Variants in HS6ST3 observed in about 807,000 individuals in gnomAD.
The protein encoded by HS6ST3 is heparan sulfate 6-O-sulfotransferase 3, also known as heparan-sulfate 6-O-sulfotransferase 3.
HS6ST3 carries 12 observed loss-of-function variants against 36.7 expected under a neutral mutation model. The observed-to-expected ratio is 0.33, with a 90% confidence interval of 0.21 to 0.53. The LOEUF (loss-of-function observed/expected upper bound fraction) is 0.53, where lower values mean the gene tolerates loss of function less well. Among genes scored for constraint, HS6ST3 ranks in the 20% least tolerant of loss-of-function variants. The probability of loss-of-function intolerance (pLI) is 0.95; values close to 1 mark genes in which losing one functional copy is unlikely to be tolerated. For missense variants in HS6ST3, 584 were observed against 640.9 expected, an observed-to-expected ratio of 0.91 and a Z score of 0.96; for synonymous variants, 240 against 257.5, an observed-to-expected ratio of 0.93 and a Z score of 0.65.
Position 96,090,360 on chromosome 13 carries a change from GCGGC to G in HS6ST3, c.-495_-492del, listed in dbSNP as rs1339259432. The stretch of plus-strand genomic sequence containing the variant: ...GGCGCGCGTGCCGGGCGCGGTGCCC[GCGGC>G]CGGCCGGGGCGGCGGGAGCGGGCCG... On this transcript the variant is annotated 5_prime_UTR_variant, in exon 1 of 2. Coordinates refer to ENST00000376705, the MANE Select transcript of HS6ST3 (RefSeq NM_153456.4). Among the ~76,000 whole-genome samples the G allele has an allele frequency of 1.4e-5, 2 of 146,232 alleles. No individual in the cohort carries two copies. Among genetic ancestry groups the G allele is most frequent in the Non-Finnish European group, 3.0e-5 (2 of 65,820 alleles).
chr13:96,154,549 C>T (rs1566894999), intron 1 of HS6ST3, among the ~76,000 whole-genome samples: 6 of 152,024 alleles, frequency 3.9e-5, no homozygotes, highest in Admixed American at 2.0e-4. Context: ...AATATTCTTA[C>T]TCTTAGTATT....
intron 1 of HS6ST3, among the ~76,000 whole-genome samples, chr13:96,691,948 G>A (rs1378966534): frequency 6.6e-6 from 1 of 152,082 alleles, no homozygotes. Context: ...TTACACGTGA[G>A]AGAAACAGCA....
At chr13:96,374,138 A>G (rs1351972190) in intron 1 of HS6ST3, among the ~76,000 whole-genome samples, 2 of 152,160 alleles carry the variant, frequency 1.3e-5, no homozygotes, top group Non-Finnish European at 2.9e-5. Flanking sequence ...ACAGTTAACT[A>G]TCCTGTCAAA....
intron 1 of HS6ST3, among the ~76,000 whole-genome samples, chr13:96,475,602 G>A (rs1191840849): frequency 3.5e-5 from 5 of 143,912 alleles, no homozygotes; most frequent in African/African-American, 1.3e-4. Flanking sequence ...ATTACCCAGC[G>A]GAGTACTACC....
chr13:96,205,883 A>G (rs1052461443), intron 1 of HS6ST3, among the ~76,000 whole-genome samples: 2 of 152,194 alleles, frequency 1.3e-5, no homozygotes, highest in Non-Finnish European at 2.9e-5. Flanking sequence ...AGCTGGAAGC[A>G]TTCCCCTTGA....
chr13:96,459,279 A>G (rs1015246235), intron 1 of HS6ST3, among the ~76,000 whole-genome samples: 3 of 152,000 alleles, frequency 2.0e-5, no homozygotes, highest in Non-Finnish European at 4.4e-5. Context: ...AAAAATAAAT[A>G]CATGTCTATA....
chr13:96,420,732 T>G (rs1406490696), intron 1 of HS6ST3, among the ~76,000 whole-genome samples: 1 of 152,220 alleles, frequency 6.6e-6, no homozygotes, highest in Non-Finnish European at 1.5e-5. Context: ...GCTGTATCAA[T>G]GGATATTTGG....
intron 1 of HS6ST3, among the ~76,000 whole-genome samples, chr13:96,420,270 A>C (rs2055556323): frequency 6.6e-6 from 1 of 152,088 alleles, no homozygotes; most frequent in African/African-American, 2.4e-5. Context: ...ATTACGGTAC[A>C]TCTTTGAAGA....
chr13:96,297,948 G>C (rs2054863235), intron 1 of HS6ST3, among the ~76,000 whole-genome samples: 1 of 151,982 alleles, frequency 6.6e-6, no homozygotes, highest in Admixed American at 6.6e-5. Context: ...TGAATGAGTG[G>C]AATAACTTAT....
At chr13:96,746,643 A>C (rs1048893001) in intron 1 of HS6ST3, among the ~76,000 whole-genome samples, 13 of 152,102 alleles carry the variant, frequency 8.5e-5, no homozygotes, top group Non-Finnish European at 1.5e-4. Flanking sequence ...TAAATGTTTG[A>C]GTCATGAATA....
intron 1 of HS6ST3, among the ~76,000 whole-genome samples, chr13:96,389,673 C>G (rs896360695): frequency 1.3e-5 from 2 of 152,016 alleles, no homozygotes; most frequent in East Asian, 1.9e-4. Context: ...TATATAAGCT[C>G]TTAGAACATG....
At chr13:96,772,034 C>A (rs1295675713) in intron 1 of HS6ST3, among the ~76,000 whole-genome samples, 5 of 152,158 alleles carry the variant, frequency 3.3e-5, no homozygotes, top group Non-Finnish European at 5.9e-5. Flanking sequence ...CACAGCATTT[C>A]AGCTTTGCTA....
intron 1 of HS6ST3, among the ~76,000 whole-genome samples, chr13:96,389,686 C>T (rs1417296372): frequency 6.6e-6 from 1 of 151,998 alleles, no homozygotes; most frequent in Non-Finnish European, 1.5e-5. Flanking sequence ...AGAACATGAA[C>T]ACAATGGATA....
chr13:96,182,033 T>G (rs1018666871), intron 1 of HS6ST3, among the ~76,000 whole-genome samples: 1 of 152,184 alleles, frequency 6.6e-6, no homozygotes, highest in African/African-American at 2.4e-5. Context: ...ATTTGTCAGA[T>G]GAGAAATGAC....
At chr13:96,145,115 C>T (rs1223239216) in intron 1 of HS6ST3, among the ~76,000 whole-genome samples, 1 of 7,168 alleles carries the variant, frequency 1.4e-4, no homozygotes, top group Non-Finnish European at 3.6e-4. Context: ...CATACGTGTG[C>T]GTGTGCATGT....
Position 96,515,473 on chromosome 13 carries a change from A to T in HS6ST3, c.708-317017A>T, listed in dbSNP as rs550081981. ...CACATGCAGAGCACATTCACGTTTT[A>T]TGCATTTACATGTGCTAGGAAGCCT... On this transcript the variant is annotated intron_variant, in intron 1 of 1. Coordinates refer to ENST00000376705, the MANE Select transcript of HS6ST3 (RefSeq NM_153456.4). 2.0e-5 allele frequency among the ~76,000 whole-genome samples: 3 copies of T among 152,290 alleles called. No individual in the cohort carries two copies. In the East Asian group the frequency reaches 5.8e-4, roughly 29 times the overall value.
intron 1 of HS6ST3, among the ~76,000 whole-genome samples, chr13:96,103,720 A>C (rs899603882): frequency 6.6e-6 from 1 of 152,184 alleles, no homozygotes; most frequent in Admixed American, 6.5e-5. Flanking sequence ...AATGCAATGA[A>C]TATGTAATTC....
In HS6ST3 at chr13:96,197,328, G is replaced by A. The variant is rs1381887253; in HGVS notation, c.707+105759G>A. 4.6e-5 allele frequency among the ~76,000 whole-genome samples: 7 copies of A among 152,244 alleles called. No homozygotes were observed. The East Asian group carries it at 1.2e-3, about 25-fold the overall frequency. On this transcript the variant is annotated intron_variant, in intron 1 of 1. Transcript: ENST00000376705. ...GATCTTGTGGGACTTAATCACTATCGTGAGAATAGCACAGGAAAGACAGGC... is the reference window on the plus strand; with the variant it reads ...GATCTTGTGGGACTTAATCACTATCATGAGAATAGCACAGGAAAGACAGGC...
At chr13:96,454,184 G>A (rs548879108) in intron 1 of HS6ST3, among the ~76,000 whole-genome samples, 8 of 152,256 alleles carry the variant, frequency 5.3e-5, no homozygotes, top group African/African-American at 1.9e-4. Flanking sequence ...CATGGAGCCT[G>A]TGGATTAAGG....
Sources: allele counts gnomAD v4.1 joint callset (sites outside exome capture counted in the v4.1 genomes callset), GRCh38; gene constraint gnomAD v4.1.1; transcripts MANE v1.5; gene names NCBI Gene and HGNC (gene_info 2026-07-23, HGNC 2026-07-21).